Variants in SNAP23 observed in about 807,000 individuals in gnomAD.
The protein encoded by SNAP23 is synaptosome associated protein 23.
SNAP23 carries 11 observed loss-of-function variants against 29.0 expected under a neutral mutation model. That is an observed-to-expected ratio of 0.38 (90% confidence interval 0.24 to 0.63). The LOEUF (loss-of-function observed/expected upper bound fraction) is 0.63, where lower values mean the gene tolerates loss of function less well. Among genes scored for constraint, SNAP23 ranks in the 20% least tolerant of loss-of-function variants. The pLI, the probability that SNAP23 is intolerant of heterozygous loss-of-function variation, is 0.58. For missense variants in SNAP23, 220 were observed against 253.9 expected, an observed-to-expected ratio of 0.87 and a Z score of 0.91; for synonymous variants, 60 against 82.9, an observed-to-expected ratio of 0.72 and a Z score of 1.50.
intron 1 of SNAP23, among the ~76,000 whole-genome samples, chr15:42,497,494 C>A (rs2057231280): frequency 1.3e-5 from 2 of 152,154 alleles, no homozygotes; most frequent in South Asian, 2.1e-4. Context: ...CAGGCGTGAG[C>A]CACCGCGCCT....
Position 42,531,694 on chromosome 15 carries a change from A to G in SNAP23, c.*216A>G, listed in dbSNP as rs188966860. 527 of 413,372 alleles carry G rather than the reference A, an allele frequency of 1.3e-3. 1 individual carries two copies. Among genetic ancestry groups the G allele is most frequent in the African/African-American group, 9.7e-3 (472 of 48,726 alleles). 25.6% of individuals were successfully genotyped at this position (413,372 alleles called of 1,614,324 possible). ...CTTCTAGTATTTTCTTTCTCAATTC[A>G]TACGCTTAGATTGGTTTTCATATGT... On this transcript the variant is annotated 3_prime_UTR_variant, in exon 8 of 8. Transcript: ENST00000249647.
At chr15:42,514,700 CTTT>C (rs869134157) in intron 4 of SNAP23, among the ~76,000 whole-genome samples, 6 of 115,120 alleles carry the variant, frequency 5.2e-5, no homozygotes, top group Admixed American at 9.0e-5. Flanking sequence ...ATACAAGATT[CTTT>C]TTTTTTTTTT....
chr15:42,505,841 C>T (rs528055331), intron 1 of SNAP23, among the ~76,000 whole-genome samples: 15 of 152,132 alleles, frequency 9.9e-5, no homozygotes, highest in African/African-American at 3.6e-4. Flanking sequence ...CAGGCGTGAG[C>T]CACCGCACCT....
rs1006247806 is a variant in SNAP23, at chr15:42,495,658, G to C, written c.-70G>C. 6.6e-6 allele frequency: 1 copy of C among 152,464 alleles called. No individual in the cohort carries two copies. The highest frequency in any genetic ancestry group is 1.5e-5 in the Non-Finnish European group (1 of 68,218). The allele number at this position is 152,464 out of a possible 1,614,324, so 9.4% of individuals were successfully genotyped here. Reference sequence around the variant, plus strand: ...CAGGCGCGACTAGGGTGCAGCGCCAGGTCCGGTGTTGGGGTGTCCGAGTTG... The same window carrying C: ...CAGGCGCGACTAGGGTGCAGCGCCACGTCCGGTGTTGGGGTGTCCGAGTTG... On this transcript the variant is annotated 5_prime_UTR_variant, in exon 1 of 8. Transcript: ENST00000249647.
At chr15:42,497,206 T>A (rs2057227193) in intron 1 of SNAP23, among the ~76,000 whole-genome samples, 2 of 114,846 alleles carry the variant, frequency 1.7e-5, no homozygotes, top group Admixed American at 1.7e-4. Flanking sequence ...CCTGGCTAAT[T>A]TTTTTTTTTT....
At chr15:42,514,368 T>C (rs1190568855) in intron 4 of SNAP23, among the ~76,000 whole-genome samples, 1 of 151,542 alleles carries the variant, frequency 6.6e-6, no homozygotes, top group Non-Finnish European at 1.5e-5. Context: ...TGTCGAACTC[T>C]TGACTTCAAG....
intron 5 of SNAP23, among the ~76,000 whole-genome samples, chr15:42,527,103 G>C (rs1478029085): frequency 6.6e-6 from 1 of 152,132 alleles, no homozygotes; most frequent in South Asian, 2.1e-4. Context: ...CTCCCAAAGT[G>C]CTGGGATTAC....
At chr15:42,526,984 C>T (rs956326421) in intron 5 of SNAP23, among the ~76,000 whole-genome samples, 1 of 151,884 alleles carries the variant, frequency 6.6e-6, no homozygotes, top group African/African-American at 2.4e-5. Flanking sequence ...ATTATAGGCA[C>T]GTGGTGCCAC....
chr15:42,528,481 G>A, intron 6 of SNAP23, 61 bp downstream of exon 6: 1 of 1,499,900 alleles, frequency 6.7e-7, no homozygotes, highest in Non-Finnish European at 9.3e-7. Context: ...CTTAGGAGAT[G>A]AGTTTAGCAG....
At chr15:42,499,561 T>C (rs2057251456) in intron 1 of SNAP23, among the ~76,000 whole-genome samples, 1 of 152,204 alleles carries the variant, frequency 6.6e-6, no homozygotes, top group African/African-American at 2.4e-5. Context: ...AAAAAAACAT[T>C]GCCCACTTCC....
chr15:42,521,535 T>C (rs2057449420), intron 5 of SNAP23: 5 of 1,501,714 alleles, frequency 3.3e-6, no homozygotes, highest in Admixed American at 2.3e-5. Context: ...TCTGTTCTGT[T>C]TGACTGGCAT....
chr15:42,501,336 A>T (rs918597266), intron 1 of SNAP23, among the ~76,000 whole-genome samples: 12 of 152,140 alleles, frequency 7.9e-5, no homozygotes, highest in Admixed American at 7.2e-4. Context: ...TAAAATCATA[A>T]TTTTTTGGAC....
intron 1 of SNAP23, among the ~76,000 whole-genome samples, chr15:42,496,749 G>A (rs573752001): frequency 4.5e-4 from 69 of 152,128 alleles, no homozygotes; most frequent in Non-Finnish European, 7.7e-4. Context: ...AAATACTCGA[G>A]ACTGGGTAAT....
chr15:42,516,350 A>G (rs913424837), intron 5 of SNAP23, among the ~76,000 whole-genome samples: 1 of 151,240 alleles, frequency 6.6e-6, no homozygotes, highest in African/African-American at 2.4e-5. Context: ...TTTTTTTTTG[A>G]GACGGAGTCT....
chr15:42,495,602 G>A (rs1395375386), upstream of SNAP23: 1 of 152,334 alleles, frequency 6.6e-6, no homozygotes, highest in Non-Finnish European at 1.5e-5. Flanking sequence ...CGGCGAACGG[G>A]AAGTGAGCAG....
intron 7 of SNAP23, among the ~76,000 whole-genome samples, chr15:42,530,318 C>A (rs1276105204): frequency 6.6e-6 from 1 of 152,134 alleles, no homozygotes; most frequent in Non-Finnish European, 1.5e-5. Flanking sequence ...AAAATCTGTT[C>A]TGCAGAATAG....
At chr15:42,496,253 CTTTA>C (rs1024576652) in intron 1 of SNAP23, among the ~76,000 whole-genome samples, 9 of 151,844 alleles carry the variant, frequency 5.9e-5, no homozygotes, top group African/African-American at 1.9e-4. Flanking sequence ...TTTTTTTCTT[CTTTA>C]ATCAGTCACC....
chr15:42,519,581 G>T (rs1482248889), intron 5 of SNAP23, among the ~76,000 whole-genome samples: 2 of 151,664 alleles, frequency 1.3e-5, no homozygotes, highest in Admixed American at 1.3e-4. Context: ...TGTTGGCCAG[G>T]ATGGTCTTGA....
upstream of SNAP23, chr15:42,495,309 A>G (rs187235019): frequency 6.6e-5 from 10 of 152,294 alleles, no homozygotes; most frequent in Admixed American, 2.6e-4. Flanking sequence ...ATCCACTATA[A>G]TTTGTTTACA....
Sources: allele counts gnomAD v4.1 joint callset (sites outside exome capture counted in the v4.1 genomes callset), GRCh38; gene constraint gnomAD v4.1.1; transcripts MANE v1.5; gene names NCBI Gene and HGNC (gene_info 2026-07-23, HGNC 2026-07-21).